Variants in LRRC4C observed in about 807,000 individuals in gnomAD.
The protein encoded by LRRC4C is leucine-rich repeat-containing protein 4C.
A neutral mutation model predicts 33.6 loss-of-function variants in LRRC4C; 5 were observed. The ratio of observed to expected loss-of-function variants is 0.15; its 90% CI spans 0.08 to 0.31. The LOEUF (loss-of-function observed/expected upper bound fraction) is 0.31, where lower values mean the gene tolerates loss of function less well. Ranked by LOEUF, LRRC4C falls within the 10% of genes least tolerant of loss-of-function variation. The pLI is 1.00. For missense variants in LRRC4C, 560 were observed against 796.7 expected (o/e 0.70, Z 3.58); for synonymous variants, 329 against 302.0 (o/e 1.09, Z -0.93).
At chr11:40,445,161 C>G (rs1951573450) in intron 3 of LRRC4C, 1 of 152,168 alleles carries the variant, frequency 6.6e-6, no homozygotes, top group Non-Finnish European at 1.5e-5. Context: ...TTGCATGGTA[C>G]TAATCATACC....
chr11:40,549,747 T>C lies in LRRC4C; in HGVS notation c.-270+98395A>G, dbSNP rs1037465156. 2.0e-5 allele frequency among the ~76,000 whole-genome samples: 3 copies of C among 152,096 alleles called. No individual in the cohort carries two copies. The South Asian group carries it at 6.2e-4, about 32-fold the overall frequency. On this transcript the variant is annotated intron_variant, in intron 3 of 6. Coordinates refer to ENST00000528697, the MANE Select transcript of LRRC4C (RefSeq NM_001258419.2). ...GCTTCAACTAGTAAATTAAATACCA[T>C]TGCTAAAGTAAATGTCAGAAGAAAA...
chr11:40,763,915 G>A (rs768974031), intron 2 of LRRC4C, among the ~76,000 whole-genome samples: 1 of 152,142 alleles, frequency 6.6e-6, no homozygotes, highest in African/African-American at 2.4e-5. Context: ...GCAAGTCTTG[G>A]CTCTGTACTG....
chr11:40,863,168 TA>T (rs1954186725), intron 2 of LRRC4C, among the ~76,000 whole-genome samples: 1 of 152,188 alleles, frequency 6.6e-6, no homozygotes, highest in Non-Finnish European at 1.5e-5. Context: ...TTCACATGAG[TA>T]ACCTTTTAGC....
chr11:41,056,602 A>G (rs1858636816), intron 1 of LRRC4C, among the ~76,000 whole-genome samples: 1 of 152,198 alleles, frequency 6.6e-6, no homozygotes, highest in African/African-American at 2.4e-5. Context: ...GTGGGCAAAG[A>G]CATGAACAGA....
intron 3 of LRRC4C, among the ~76,000 whole-genome samples, chr11:40,627,326 G>T (rs1963050230): frequency 6.6e-6 from 1 of 152,064 alleles, no homozygotes; most frequent in African/African-American, 2.4e-5. Context: ...AAATGAGGCA[G>T]AGGAAATAGC....
chr11:40,483,573 C>T (rs1276542234), intron 3 of LRRC4C, among the ~76,000 whole-genome samples: 1 of 151,886 alleles, frequency 6.6e-6, no homozygotes, highest in African/African-American at 2.4e-5. Flanking sequence ...TCTAGGAAGA[C>T]TGAAATAGTT....
intron 2 of LRRC4C, among the ~76,000 whole-genome samples, chr11:40,904,682 G>T (rs1342712425): frequency 2.6e-5 from 4 of 152,060 alleles, no homozygotes; most frequent in Non-Finnish European, 5.9e-5. Flanking sequence ...CAGGTCACTG[G>T]TTTGCAGGTT....
intron 4 of LRRC4C, among the ~76,000 whole-genome samples, chr11:40,283,813 T>C (rs1943650161): frequency 6.9e-6 from 1 of 144,534 alleles, no homozygotes; most frequent in Admixed American, 7.3e-5. Flanking sequence ...CAAGAGATTC[T>C]CCTGCCTCAG....
At position 40,921,049 on chromosome 11, in the gene LRRC4C, T is replaced by C. The variant is rs113963861; in HGVS notation, c.-407+12586A>G. Among the ~76,000 whole-genome samples, 1,373 of 151,840 alleles carry C rather than the reference T, an allele frequency of 9.0e-3. 28 individuals are homozygous for C. Among genetic ancestry groups the C allele is most frequent in the African/African-American group, 0.032 (1,317 of 41,408 alleles). The stretch of plus-strand genomic sequence containing the variant: ...GATCCTTGCACCTTAGCTTCCCAAA[T>C]TGCTAGGACTAAAGGCATGCACCAC... On this transcript the variant is annotated intron_variant, in intron 2 of 6. Coordinates refer to ENST00000528697, the MANE Select transcript of LRRC4C (RefSeq NM_001258419.2).
chr11:41,188,520 T>C (rs1945796612), intron 1 of LRRC4C, among the ~76,000 whole-genome samples: 1 of 151,996 alleles, frequency 6.6e-6, no homozygotes, highest in Non-Finnish European at 1.5e-5. Context: ...AATAGATCTA[T>C]GTACAAATTT....
intron 2 of LRRC4C, among the ~76,000 whole-genome samples, chr11:40,649,645 G>A (rs1422689270): frequency 6.6e-6 from 1 of 151,256 alleles, no homozygotes; most frequent in Non-Finnish European, 1.5e-5. Flanking sequence ...GATTAAGAGA[G>A]TAAAGTAAAG....
intron 4 of LRRC4C, among the ~76,000 whole-genome samples, chr11:40,265,697 G>GA (rs1251080601): frequency 6.6e-6 from 1 of 152,078 alleles, no homozygotes; most frequent in Non-Finnish European, 1.5e-5. Flanking sequence ...TGTAAGCAAG[G>GA]AAAAAAATAT....
intron 6 of LRRC4C, among the ~76,000 whole-genome samples, chr11:40,125,399 A>C (rs954617189): frequency 6.6e-6 from 1 of 152,208 alleles, no homozygotes; most frequent in South Asian, 2.1e-4. Context: ...TATATCTTTG[A>C]TATTTGTGAT....
At chr11:41,285,506 AAC>A (rs1365482069) in intron 1 of LRRC4C, among the ~76,000 whole-genome samples, 2 of 152,202 alleles carry the variant, frequency 1.3e-5, no homozygotes, top group African/African-American at 4.8e-5. Context: ...CCTAGTAGGG[AAC>A]ACAGACAGGG....
chr11:40,948,254 A>G (rs974709005), intron 1 of LRRC4C, among the ~76,000 whole-genome samples: 1 of 152,152 alleles, frequency 6.6e-6, no homozygotes, highest in Non-Finnish European at 1.5e-5. Context: ...CTGGACTCAT[A>G]TTCATTGAAG....
At chr11:40,834,162 T>G (rs1324832820) in intron 2 of LRRC4C, among the ~76,000 whole-genome samples, 1 of 152,118 alleles carries the variant, frequency 6.6e-6, no homozygotes, top group Non-Finnish European at 1.5e-5. Flanking sequence ...GCTAAGGAAT[T>G]ATTTACTTAA....
chr11:40,303,900 TA>T (rs1373057276), intron 4 of LRRC4C, among the ~76,000 whole-genome samples: 9 of 152,208 alleles, frequency 5.9e-5, no homozygotes, highest in Non-Finnish European at 1.0e-4. Context: ...TGTGATTGAA[TA>T]TTATTCAACC....
At chr11:40,438,926 C>CTTT (rs869144067) in intron 3 of LRRC4C, among the ~76,000 whole-genome samples, 56 of 106,904 alleles carry the variant, frequency 5.2e-4, no homozygotes, top group African/African-American at 7.8e-4. Flanking sequence ...TGAATTGCTA[C>CTTT]TTTTTTTTTT....
chr11:40,187,083 G>T (rs575608159), intron 5 of LRRC4C, among the ~76,000 whole-genome samples: 1 of 152,082 alleles, frequency 6.6e-6, no homozygotes, highest in Non-Finnish European at 1.5e-5. Flanking sequence ...GCTCAAATCG[G>T]ATCATCTCTC....
Sources: gnomAD v4.1 joint callset for allele counts (sites outside exome capture counted in the v4.1 genomes callset) on GRCh38, gnomAD v4.1.1 for gene constraint, MANE v1.5 for transcripts, NCBI Gene and HGNC (gene_info 2026-07-23, HGNC 2026-07-21) for gene names.